Variants in PAPOLA observed in about 807,000 individuals in gnomAD.
The protein encoded by PAPOLA is poly(A) polymerase alpha, also known as polynucleotide adenylyltransferase alpha.
PAPOLA carries 15 observed loss-of-function variants against 100.6 expected under a neutral mutation model. That is an observed-to-expected ratio of 0.15 (90% CI 0.10 to 0.23). The LOEUF (loss-of-function observed/expected upper bound fraction) is 0.23, where lower values mean the gene tolerates loss of function less well. PAPOLA is among the 10% of genes least tolerant of loss of function. The pLI is 1.00. For synonymous variants in PAPOLA, 293 were observed against 300.0 expected (o/e 0.98, Z 0.24); for missense variants, 533 against 884.2 (o/e 0.60, Z 5.04).
chr14:96,533,546 C>G (rs992358731), intron 9 of PAPOLA: 1 of 638,910 alleles, frequency 1.6e-6, no homozygotes, highest in Non-Finnish European at 1.8e-6. Context: ...GTCAGAATTT[C>G]TTTTTTTTTT....
chr14:96,521,842 C>G (rs563518411), intron 3 of PAPOLA, among the ~76,000 whole-genome samples: 1 of 152,232 alleles, frequency 6.6e-6, no homozygotes, highest in African/African-American at 2.4e-5. Context: ...GACAGAGTCT[C>G]ACTCTGTCAC....
intron 13 of PAPOLA, chr14:96,542,505 G>A: frequency 1.8e-6 from 1 of 543,618 alleles, no homozygotes; most frequent in Non-Finnish European, 3.2e-6. Context: ...GGAGATCCGT[G>A]CATAATTTCT....
intron 19 of PAPOLA, 106 bp from the exon 20 acceptor site, chr14:96,560,543 C>T (rs1901751942): frequency 1.4e-6 from 1 of 722,156 alleles, no homozygotes; most frequent in Non-Finnish European, 2.4e-6. Context: ...GTTGATCTTA[C>T]AGGTTTAATT....
At chr14:96,504,812 C>G (rs1309738719) in intron 1 of PAPOLA, 1 of 152,172 alleles carries the variant, frequency 6.6e-6, no homozygotes, top group Non-Finnish European at 1.5e-5. Flanking sequence ...GTACTGCTGT[C>G]ACACTGTCAT....
intron 16 of PAPOLA, among the ~76,000 whole-genome samples, chr14:96,549,502 C>G (rs1000383170): frequency 4.6e-5 from 7 of 152,230 alleles, no homozygotes; most frequent in African/African-American, 1.7e-4. Context: ...CCTGCCTCAG[C>G]CTTCCAAAGT....
chr14:96,503,729 G>A (rs190649501), intron 1 of PAPOLA, among the ~76,000 whole-genome samples: 2 of 152,050 alleles, frequency 1.3e-5, no homozygotes, highest in Admixed American at 6.6e-5. Context: ...GACATCGAAT[G>A]TAGTAACTCA....
chr14:96,543,439 T>G (rs1900152641), intron 14 of PAPOLA, among the ~76,000 whole-genome samples: 1 of 152,092 alleles, frequency 6.6e-6, no homozygotes, highest in Non-Finnish European at 1.5e-5. Context: ...GACTCTATAC[T>G]TTGTTGCATT....
chr14:96,518,856 A>T (rs938306532), intron 1 of PAPOLA, among the ~76,000 whole-genome samples: 18 of 151,844 alleles, frequency 1.2e-4, no homozygotes, highest in African/African-American at 4.3e-4. Flanking sequence ...CAGGAGTTCG[A>T]GAGCAGCCTG....
rs910159290 is a variant in PAPOLA at position 96,542,926 on chromosome 14, C to A, written c.1289+33C>A. ...CTTTTCTAATTTAATTTCTTCTTCC[C>A]ATTTCCAATTTTTATTCATAGAAGC... On this transcript the variant is annotated intron_variant, in intron 14 of 21. Transcript: ENST00000216277. 7 of 1,603,726 alleles carry A rather than the reference C, an allele frequency of 4.4e-6. No individual in the cohort carries two copies. In the African/African-American group the frequency reaches 5.4e-5, roughly 12 times the overall value.
At chr14:96,537,171 T>C (rs1296233403) in intron 12 of PAPOLA, 111 bp downstream of exon 12, 8 of 704,410 alleles carry the variant, frequency 1.1e-5, no homozygotes, top group Non-Finnish European at 1.8e-5. Context: ...GAATTTTCTT[T>C]CCTGTCACAA....
chr14:96,518,883 C>A (rs1897702298), intron 1 of PAPOLA, among the ~76,000 whole-genome samples: 1 of 151,644 alleles, frequency 6.6e-6, no homozygotes, highest in Non-Finnish European at 1.5e-5. Context: ...ATGGTGAAAC[C>A]CTGTCTCTAC....
At chr14:96,522,635 G>T (rs979378269) in intron 3 of PAPOLA, among the ~76,000 whole-genome samples, 4 of 152,040 alleles carry the variant, frequency 2.6e-5, no homozygotes, top group Non-Finnish European at 5.9e-5. Context: ...GAACTCCTGG[G>T]CTTAAGATAT....
At chr14:96,535,699 C>A in intron 10 of PAPOLA, 180 bp from the exon 11 acceptor site, 1 of 817,004 alleles carries the variant, frequency 1.2e-6, no homozygotes, top group Non-Finnish European at 1.6e-6. Context: ...TAGATGAAAT[C>A]TTTGATTCTA....
chr14:96,511,993 A>G (rs1897137239), intron 1 of PAPOLA, among the ~76,000 whole-genome samples: 1 of 152,190 alleles, frequency 6.6e-6, no homozygotes, highest in Non-Finnish European at 1.5e-5. Context: ...TAATAACCAA[A>G]AGCTAATTAT....
rs1337530279 is a variant in PAPOLA, at chr14:96,531,492, A to T, written c.513A>T (p.Ala171=). 1.2e-6 allele frequency: 2 copies of T among 1,606,308 alleles called. No homozygotes were observed. Among genetic ancestry groups the T allele is most frequent in the Non-Finnish European group, 1.7e-6 (2 of 1,176,226 alleles). Reference sequence around the variant, plus strand: ...TGTTTCAGATTGATATTTTGTTTGCAAGATTAGCACTGCAGACAATTCCTG... The same window carrying T: ...TGTTTCAGATTGATATTTTGTTTGCTAGATTAGCACTGCAGACAATTCCTG... The part of the protein sequence containing the change: ...FDGIEIDILF[A]RLALQTIPED... The change falls in exon 7 of 22, where the codon GCA becomes GCT. Residue 171 remains alanine, a synonymous_variant. Coordinates refer to ENST00000216277, the MANE Select transcript of PAPOLA (RefSeq NM_032632.5).
chr14:96,506,184 A>C (rs750958458), intron 1 of PAPOLA, among the ~76,000 whole-genome samples: 1 of 152,140 alleles, frequency 6.6e-6, no homozygotes, highest in African/African-American at 2.4e-5. Context: ...GATTACAGGC[A>C]TGAGCCACGG....
chr14:96,560,446 C>A (rs1470253988), intron 19 of PAPOLA: 2 of 460,452 alleles, frequency 4.3e-6, no homozygotes, highest in Non-Finnish European at 7.6e-6. Flanking sequence ...TCCTAATGCT[C>A]TTTTTAATTT....
chr14:96,504,945 C>G (rs1896609532), intron 1 of PAPOLA, among the ~76,000 whole-genome samples: 1 of 151,978 alleles, frequency 6.6e-6, no homozygotes, highest in South Asian at 2.1e-4. Flanking sequence ...GGCATGGACC[C>G]TAGGTGAGTT....
chr14:96,552,725 A>G, intron 17 of PAPOLA, 103 bp downstream of exon 17: 1 of 1,088,140 alleles, frequency 9.2e-7, no homozygotes, highest in Non-Finnish European at 1.3e-6. Flanking sequence ...TGTTATTTTC[A>G]TTCCATCTAC....
Sources: gnomAD v4.1 joint callset for allele counts (sites outside exome capture counted in the v4.1 genomes callset) on GRCh38, gnomAD v4.1.1 for gene constraint, MANE v1.5 for transcripts, NCBI Gene and HGNC (gene_info 2026-07-23, HGNC 2026-07-21) for gene names.